The following CNOT7 variants were observed in gnomAD, a reference collection of about 807,000 sequenced individuals.
CNOT7 encodes BTG1-binding factor 1.
CNOT7 carries 4 observed loss-of-function variants against 37.1 expected under a neutral mutation model. The ratio of observed to expected loss-of-function variants is 0.11; its 90% CI spans 0.05 to 0.25. The LOEUF (loss-of-function observed/expected upper bound fraction) is 0.25, where lower values mean the gene tolerates loss of function less well. Ranked by LOEUF, CNOT7 falls within the 10% of genes least tolerant of loss-of-function variation. CNOT7 has a pLI of 1.00. For synonymous variants in CNOT7, 128 were observed against 115.6 expected, an observed-to-expected ratio of 1.11 and a Z score of -0.69; for missense variants, 170 against 336.2, an observed-to-expected ratio of 0.51 and a Z score of 3.87.
At chr8:17,243,622 C>G (rs1040673017) in intron 2 of CNOT7, 12 of 456,936 alleles carry the variant, frequency 2.6e-5, no homozygotes, top group African/African-American at 2.4e-4. Context: ...ACACCAAAAC[C>G]CTAAGAAAAA....
chr8:17,240,170 C>A lies in CNOT7; in HGVS notation c.312-2797G>T, dbSNP rs79354463. Among the ~76,000 whole-genome samples the A allele has an allele frequency of 7.4e-3, 1,133 of 152,302 alleles. 15 individuals are homozygous for A. Among genetic ancestry groups the A allele is most frequent in the African/African-American group, 0.026 (1,094 of 41,562 alleles). On this transcript the variant is annotated intron_variant, in intron 3 of 6. Transcript: ENST00000361272. ...TGCTCTCTCTATATTAGGCATTACT[C>A]GTTTATCTTCCAAATGACTTCTTCT...
At position 17,234,704 on chromosome 8, in the gene CNOT7, C is replaced by T. The variant is rs765589346; in HGVS notation, c.618+12G>A. ...AGTGTGCTGCTGTAGATAATGCCAT[C>T]CGAAGCCTTACTTTGAGATTTTTGC... On this transcript the variant is annotated intron_variant, in intron 5 of 6. Coordinates refer to ENST00000361272, the MANE Select transcript of CNOT7 (RefSeq NM_013354.7). 60 of 1,613,704 alleles carry T rather than the reference C, an allele frequency of 3.7e-5. No individual in the cohort carries two copies. The South Asian group carries it at 6.2e-4, about 17-fold the overall frequency.
At chr8:17,243,718 C>G (rs1235512395) in intron 2 of CNOT7, 8 of 451,972 alleles carry the variant, frequency 1.8e-5, no homozygotes, top group Non-Finnish European at 4.5e-6. Context: ...TGCATGCCAC[C>G]TACTCACTCT....
intron 5 of CNOT7, among the ~76,000 whole-genome samples, chr8:17,233,427 T>C (rs1202473799): frequency 1.3e-5 from 2 of 152,190 alleles, no homozygotes; most frequent in Non-Finnish European, 1.5e-5. Context: ...TAGAACAGCA[T>C]GGCTGACTAT....
intron 5 of CNOT7, among the ~76,000 whole-genome samples, chr8:17,233,614 G>C (rs1225265793): frequency 6.6e-6 from 1 of 152,048 alleles, no homozygotes; most frequent in African/African-American, 2.4e-5. Flanking sequence ...AAAAAAGTCA[G>C]ATGAAAACAT....
intron 1 of CNOT7, among the ~76,000 whole-genome samples, chr8:17,245,545 A>G (rs957826525): frequency 2.0e-5 from 3 of 152,252 alleles, no homozygotes; most frequent in Admixed American, 2.0e-4. Context: ...TACTCTGCAT[A>G]AAACTTTATA....
intron 3 of CNOT7, 65 bp from the exon 4 acceptor site, chr8:17,237,438 C>G: frequency 6.8e-7 from 1 of 1,476,138 alleles, no homozygotes; most frequent in Non-Finnish European, 9.4e-7. Flanking sequence ...TGTTCTTCTG[C>G]TTACATCTAT....
intron 3 of CNOT7, among the ~76,000 whole-genome samples, chr8:17,241,043 G>A (rs1018524228): frequency 5.3e-5 from 8 of 152,176 alleles, no homozygotes; most frequent in African/African-American, 1.9e-4. Context: ...ACTTTACAAG[G>A]TTCTGTAGAC....
rs755985486 is a variant in CNOT7, at chr8:17,243,046, C to G, written c.257G>C (p.Gly86Ala). ...QLGLTFMNEQ[G>A]EYPPGTSTWQ... The stretch of plus-strand genomic sequence containing the variant: ...AGTTGAAGTTCCTGGAGGGTATTCT[C>G]CTTGCTCATTCATAAATGTCAGTCC... The change falls in exon 3 of 7, where the codon GGA becomes GCA. Residue 86 changes from glycine to alanine, a missense_variant. This residue lies in a region of CNOT7 where 20 missense variants were observed against 18.5 expected (regional missense o/e 1.08). Transcript: ENST00000361272. 6.2e-7 allele frequency: 1 copy of G among 1,608,392 alleles called. No homozygotes were observed. The highest frequency in any genetic ancestry group is 1.7e-5 in the Admixed American group (1 of 58,726).
At chr8:17,242,653 A>C (rs1226530848) in intron 3 of CNOT7, 3 of 172,926 alleles carry the variant, frequency 1.7e-5, no homozygotes, top group Non-Finnish European at 3.6e-5. Context: ...CAAGAAGGAT[A>C]AATATTATAA....
intron 1 of CNOT7, 123 bp from the exon 2 acceptor site, chr8:17,245,370 CAA>C (rs1239979074): frequency 4.7e-6 from 2 of 424,496 alleles, no homozygotes; most frequent in African/African-American, 4.1e-5. Context: ...AAAAAAAAAT[CAA>C]AGTTTAGAAA....
Position 17,243,329 on chromosome 8 carries a change from A to C in CNOT7, c.118-144T>G, listed in dbSNP as rs1398818983. 3 of 676,906 alleles carry C rather than the reference A, an allele frequency of 4.4e-6. No individual in the cohort carries two copies. The African/African-American group carries it at 5.5e-5, about 12-fold the overall frequency. The allele number at this position is 676,906 out of a possible 1,614,324, so 41.9% of individuals were successfully genotyped here. A position where few individuals can be genotyped will look rare whatever the true frequency, so the allele number is the denominator to read the frequency against. On this transcript the variant is annotated intron_variant, in intron 2 of 6. Transcript: ENST00000361272. ...AATTACAAAGTATATTTTAACTAGA[A>C]AGAACATCACTTTTTAGAACCATAA... is the stretch of plus-strand genomic sequence containing the variant.
At position 17,237,501 on chromosome 8, in the gene CNOT7, A is replaced by C. The variant is rs765291158; in HGVS notation, c.312-128T>G. ...GAATGGCTTGAGTCCACCTGTTTCA[A>C]TGCTTTATATATATGCAAGAAAAAT... On this transcript the variant is annotated intron_variant, in intron 3 of 6. Transcript: ENST00000361272. The C allele has an allele frequency of 3.3e-5, 24 of 717,070 alleles. 1 individual carries two copies. The highest frequency in any genetic ancestry group is 3.2e-4 in the South Asian group (16 of 49,344). The allele number at this position is 717,070 out of a possible 1,614,324, so 44.4% of individuals were successfully genotyped here. A position where few individuals can be genotyped will look rare whatever the true frequency, so the allele number is the denominator to read the frequency against.
At chr8:17,231,591 T>A in intron 6 of CNOT7, 1 of 985,210 alleles carries the variant, frequency 1.0e-6, no homozygotes, top group African/African-American at 1.7e-5. Flanking sequence ...CTCAATTTAA[T>A]GTCTAAGAGA....
chr8:17,244,832 C>G (rs766356321), intron 2 of CNOT7: 15 of 489,482 alleles, frequency 3.1e-5, no homozygotes, highest in Admixed American at 1.2e-4. Flanking sequence ...GTGCGTTTTC[C>G]CTCACTGCAA....
At position 17,229,660 on chromosome 8, in the gene CNOT7, T is replaced by A. The variant is rs574572972; in HGVS notation, c.*1060A>T. The A allele has an allele frequency of 1.2e-3, 188 of 151,658 alleles. No homozygotes were observed. The highest frequency in any genetic ancestry group is 2.1e-3 in the Non-Finnish European group (140 of 67,672). 9.4% of individuals were successfully genotyped at this position (151,658 alleles called of 1,614,324 possible). The stretch of plus-strand genomic sequence containing the variant: ...TATATATATGAGAATATATATATAT[T>A]TTGTTGTTTTGTACCAAATCTCTCC... On this transcript the variant is annotated 3_prime_UTR_variant, in exon 7 of 7. Coordinates refer to ENST00000361272, the MANE Select transcript of CNOT7 (RefSeq NM_013354.7).
chr8:17,241,436 A>C (rs2150999932), intron 3 of CNOT7: 1 of 152,274 alleles, frequency 6.6e-6, no homozygotes, highest in South Asian at 2.1e-4. Context: ...GTGTAATTAC[A>C]AGCCACACTA....
chr8:17,230,975 T>G (rs1808522969), intron 6 of CNOT7, 127 bp from the exon 7 acceptor site: 1 of 632,784 alleles, frequency 1.6e-6, no homozygotes, highest in African/African-American at 1.9e-5. Context: ...TCTATGGTGT[T>G]CCTTTGAGGC....
Position 17,226,259 on chromosome 8 carries a change from T to C in CNOT7, c.*4461A>G, listed in dbSNP as rs1585760969. ...GGATTTTTTGGCAGGGGACGGGAGG[T>C]AACATTTTGCTCAATTTGGGCTGAA... is the stretch of plus-strand genomic sequence containing the variant. On this transcript the variant is annotated 3_prime_UTR_variant, in exon 7 of 7. Transcript: ENST00000361272. 6.6e-6 allele frequency: 1 copy of C among 151,056 alleles called. No individual in the cohort carries two copies. Among genetic ancestry groups the C allele is most frequent in the Non-Finnish European group, 1.5e-5 (1 of 67,484 alleles). 9.4% of individuals were successfully genotyped at this position (151,056 alleles called of 1,614,324 possible).
Sources: gnomAD v4.1 joint callset for allele counts (sites outside exome capture counted in the v4.1 genomes callset) on GRCh38, gnomAD v4.1.1 for gene constraint, gnomAD v4.1.1 regional missense constraint, MANE v1.5 for transcripts, NCBI Gene and HGNC (gene_info 2026-07-23, HGNC 2026-07-21) for gene names.